Variants in MYO3B observed in about 807,000 individuals in gnomAD.
The protein encoded by MYO3B is myosin-IIIb.
MYO3B carries 156 observed loss-of-function variants against 174.6 expected under a neutral mutation model. The ratio of observed to expected loss-of-function variants is 0.89; its 90% confidence interval spans 0.78 to 1.02. The LOEUF (loss-of-function observed/expected upper bound fraction) is 1.02. Among genes scored for constraint, MYO3B ranks in the 50% least tolerant of loss-of-function variants. The probability of loss-of-function intolerance (pLI) is 0.00; values close to 1 mark genes in which losing one functional copy is unlikely to be tolerated. For missense variants in MYO3B, 1,632 were observed against 1,639.4 expected, an observed-to-expected ratio of 1.00 and a Z score of 0.08; for synonymous variants, 563 against 569.1, an observed-to-expected ratio of 0.99 and a Z score of 0.15.
intron 32 of MYO3B, among the ~76,000 whole-genome samples, chr2:170,610,038 A>G (rs1197625640): frequency 6.6e-6 from 1 of 152,218 alleles, no homozygotes; most frequent in Non-Finnish European, 1.5e-5. Context: ...TGCCCACCTC[A>G]AGAATTTTAT....
intron 7 of MYO3B, among the ~76,000 whole-genome samples, chr2:170,298,271 A>G (rs1260822871): frequency 6.6e-6 from 1 of 152,176 alleles, no homozygotes; most frequent in Non-Finnish European, 1.5e-5. Flanking sequence ...AGCCCTCCCT[A>G]GAGACCAGTG....
chr2:170,476,794 G>A (rs2105998049), intron 25 of MYO3B, among the ~76,000 whole-genome samples: 1 of 152,060 alleles, frequency 6.6e-6, no homozygotes, highest in Admixed American at 6.5e-5. Context: ...AGACTTGAGG[G>A]TGGGACCATT....
chr2:170,498,525 G>T, intron 25 of MYO3B, 67 bp from the exon 26 acceptor site: 1 of 1,087,612 alleles, frequency 9.2e-7, no homozygotes, highest in South Asian at 1.3e-5. Context: ...CAATGGTCCC[G>T]AGTAATTCTA....
At chr2:170,476,501 T>A (rs2105997356) in intron 25 of MYO3B, among the ~76,000 whole-genome samples, 1 of 152,184 alleles carries the variant, frequency 6.6e-6, no homozygotes, top group African/African-American at 2.4e-5. Context: ...AGAGCTGGAA[T>A]GGGGATGGAA....
chr2:170,326,664 G>A (rs1454208601), intron 7 of MYO3B, among the ~76,000 whole-genome samples: 10 of 152,150 alleles, frequency 6.6e-5, no homozygotes, highest in African/African-American at 2.2e-4. Flanking sequence ...TTGCTTATGC[G>A]TCCTGTGTTT....
At chr2:170,353,483 T>C (rs773744833) in intron 8 of MYO3B, among the ~76,000 whole-genome samples, 13 of 152,214 alleles carry the variant, frequency 8.5e-5, no homozygotes, top group Non-Finnish European at 1.5e-4. Context: ...ACTCTACGAA[T>C]GGATTACATG....
intron 29 of MYO3B, among the ~76,000 whole-genome samples, chr2:170,516,670 C>T (rs1404471238): frequency 6.6e-6 from 1 of 151,106 alleles, no homozygotes; most frequent in Non-Finnish European, 1.5e-5. Context: ...ATGTGAATGG[C>T]TTATAGAGCT....
intron 32 of MYO3B, 77 bp downstream of exon 32, chr2:170,544,065 A>G (rs1690311696): frequency 8.4e-7 from 1 of 1,183,836 alleles, no homozygotes; most frequent in Non-Finnish European, 1.2e-6. Flanking sequence ...TTGTTTGGGC[A>G]GGACTCAATT....
chr2:170,434,101 T>C (rs1419798276), intron 22 of MYO3B, among the ~76,000 whole-genome samples: 1 of 152,250 alleles, frequency 6.6e-6, no homozygotes, highest in African/African-American at 2.4e-5. Context: ...GTTACTTCAA[T>C]TTATCGAATC....
intron 23 of MYO3B, among the ~76,000 whole-genome samples, chr2:170,462,769 A>G (rs1180126765): frequency 6.6e-6 from 1 of 152,254 alleles, no homozygotes; most frequent in African/African-American, 2.4e-5. Flanking sequence ...AATTGTTTTC[A>G]TCAATCAGTT....
intron 28 of MYO3B, among the ~76,000 whole-genome samples, chr2:170,514,225 G>A (rs1425030050): frequency 6.6e-6 from 1 of 152,244 alleles, no homozygotes; most frequent in Admixed American, 6.5e-5. Flanking sequence ...AGCCGCTCGT[G>A]ACCTTGAGGT....
rs1157002967 is a variant in MYO3B, at chr2:170,651,619, T to G, written c.3734-9T>G. 2 of 1,613,618 alleles carry G rather than the reference T, an allele frequency of 1.2e-6. No homozygotes were observed. The highest frequency in any genetic ancestry group is 2.2e-5 in the South Asian group (2 of 91,062). On this transcript the variant is annotated splice_polypyrimidine_tract_variant and intron_variant, in intron 32 of 34. Coordinates refer to ENST00000408978, the MANE Select transcript of MYO3B (RefSeq NM_138995.5). Reference sequence around the variant, plus strand: ...GACAGTTTACAGCAAAGTTTTGCTCTTTTTTCAGGTTCAGAAAATGGTCTT... The same window carrying G: ...GACAGTTTACAGCAAAGTTTTGCTCGTTTTTCAGGTTCAGAAAATGGTCTT...
intron 7 of MYO3B, among the ~76,000 whole-genome samples, chr2:170,310,856 T>G (rs1254636951): frequency 2.0e-5 from 3 of 152,024 alleles, no homozygotes; most frequent in Admixed American, 6.6e-5. Flanking sequence ...AAGTTCTTAT[T>G]TATCAGACTT....
In MYO3B at chr2:170,515,125, C is replaced by T. The variant is rs1050484462; in HGVS notation, c.3472+103C>T. 4 of 910,020 alleles carry T rather than the reference C, an allele frequency of 4.4e-6. No individual in the cohort carries two copies. The African/African-American group carries it at 6.7e-5, about 15-fold the overall frequency. 56.4% of individuals were successfully genotyped at this position (910,020 alleles called of 1,614,324 possible). A position where few individuals can be genotyped will look rare whatever the true frequency, so the allele number is the denominator to read the frequency against. The stretch of plus-strand genomic sequence containing the variant: ...CACCTCTTATATAAGAACCTTCTGT[C>T]CACCACTCCTTCTTTTTTCTATAGG... On this transcript the variant is annotated intron_variant, in intron 29 of 34. Coordinates refer to ENST00000408978, the MANE Select transcript of MYO3B (RefSeq NM_138995.5).
chr2:170,423,148 A>AT (rs1003463290), intron 22 of MYO3B, among the ~76,000 whole-genome samples: 2 of 150,688 alleles, frequency 1.3e-5, no homozygotes, highest in Admixed American at 6.6e-5. Flanking sequence ...CACCCAGCTA[A>AT]TTTTTTGTAT....
intron 7 of MYO3B, among the ~76,000 whole-genome samples, chr2:170,236,369 A>G (rs1248231994): frequency 6.6e-6 from 1 of 152,220 alleles, no homozygotes; most frequent in African/African-American, 2.4e-5. Flanking sequence ...GCCTATTTTT[A>G]GCACTCAGCT....
chr2:170,632,239 C>T (rs1697058547), intron 32 of MYO3B, among the ~76,000 whole-genome samples: 1 of 152,150 alleles, frequency 6.6e-6, no homozygotes, highest in Non-Finnish European at 1.5e-5. Flanking sequence ...GGAAGTAAAG[C>T]ACTCCTCAGC....
intron 7 of MYO3B, among the ~76,000 whole-genome samples, chr2:170,284,127 T>G (rs981454728): frequency 1.3e-5 from 2 of 152,172 alleles, no homozygotes; most frequent in Non-Finnish European, 2.9e-5. Context: ...GTGTCAGATG[T>G]CTATCCCTTT....
intron 32 of MYO3B, among the ~76,000 whole-genome samples, chr2:170,633,547 T>G (rs1697207654): frequency 6.6e-6 from 1 of 152,276 alleles, no homozygotes. Context: ...AGCATTCCCT[T>G]TGAAAACTGG....
Sources: gnomAD v4.1 joint callset for allele counts (sites outside exome capture counted in the v4.1 genomes callset) on GRCh38, gnomAD v4.1.1 for gene constraint, MANE v1.5 for transcripts, NCBI Gene and HGNC (gene_info 2026-07-23, HGNC 2026-07-21) for gene names.